JAKMIP1: variants seen among roughly 807,000 people sequenced by gnomAD.
JAKMIP1 encodes the protein janus kinase and microtubule interacting protein 1, also known as janus kinase and microtubule-interacting protein 1.
JAKMIP1 carries 33 observed loss-of-function variants against 113.0 expected under a neutral mutation model. That is an observed-to-expected ratio of 0.29 (90% CI 0.22 to 0.39). The LOEUF (loss-of-function observed/expected upper bound fraction) is 0.39, where lower values mean the gene tolerates loss of function less well. Among genes scored for constraint, JAKMIP1 ranks in the 10% least tolerant of loss-of-function variants. JAKMIP1 has a pLI of 1.00. For synonymous variants in JAKMIP1, 480 were observed against 459.9 expected, an observed-to-expected ratio of 1.04 and a Z score of -0.56; for missense variants, 813 against 1,080.5, an observed-to-expected ratio of 0.75 and a Z score of 3.47.
intron 1 of JAKMIP1, among the ~76,000 whole-genome samples, chr4:6,152,361 G>A (rs771102687): frequency 6.6e-6 from 1 of 152,116 alleles, no homozygotes; most frequent in Non-Finnish European, 1.5e-5. Context: ...CATTACCTAA[G>A]CCTGTAGCCC....
rs781019554 is a variant in JAKMIP1, at chr4:6,035,987, G to A, written c.2296C>T (p.Arg766Cys). 9 of 1,551,496 alleles carry A rather than the reference G, an allele frequency of 5.8e-6. No individual in the cohort carries two copies. The African/African-American group carries it at 8.2e-5, about 14-fold the overall frequency. Residue 766 changes from arginine to cysteine, a missense_variant, in exon 19 of 21, where the codon CGC becomes TGC. Arg to Cys is a radical substitution (Grantham distance 180). Around this residue, in one of 2 missense-constraint regions of JAKMIP1, gnomAD observed 273 missense variants for 426.6 expected, o/e 0.64. Coordinates refer to ENST00000409021, the MANE Select transcript of JAKMIP1 (RefSeq NM_001099433.2). ...CGGCTCTGCCTGAGGATCTGCCTGC[G>A]CACCTTTTCCACAGCAGCCTGCAGG... ...EDLQAAVEKV[R>C]RQILRQSREF...
chr4:6,045,161 A>C (rs1714823500), intron 16 of JAKMIP1, among the ~76,000 whole-genome samples: 1 of 152,246 alleles, frequency 6.6e-6, no homozygotes, highest in Non-Finnish European at 1.5e-5. Context: ...AGAAAGTCAG[A>C]CTATGGCTCA....
At chr4:6,041,465 C>T (rs1199351858) in intron 17 of JAKMIP1, among the ~76,000 whole-genome samples, 1 of 152,138 alleles carries the variant, frequency 6.6e-6, no homozygotes, top group Non-Finnish European at 1.5e-5. Context: ...CCTCCCATTT[C>T]CATTTCTCCT....
At chr4:6,070,162 T>C in intron 8 of JAKMIP1, 1 of 398,708 alleles carries the variant, frequency 2.5e-6, no homozygotes, top group Non-Finnish European at 4.4e-6. Flanking sequence ...ACATATTCCA[T>C]GGTGGCGTGA....
Position 6,050,586 on chromosome 4 carries a change from C to T in JAKMIP1, c.1900G>A (p.Gly634Arg). The T allele has an allele frequency of 1.3e-6, 2 of 1,568,994 alleles. No individual in the cohort carries two copies. Among genetic ancestry groups the T allele is most frequent in the Non-Finnish European group, 1.7e-6 (2 of 1,156,540 alleles). Reference sequence around the variant, plus strand: ...CCCCCCAGGCACGCTACCTTAACTCCTTCCTGGTGACAGAACAGCTGGAGA... The same window carrying T: ...CCCCCCAGGCACGCTACCTTAACTCTTTCCTGGTGACAGAACAGCTGGAGA... ...SALQLFCHQE[G>R]VKDVNVSELM... Residue 634 changes from glycine (G) to arginine (R), a missense_variant, in exon 14 of 21, where the codon GGA becomes AGA. By Grantham distance (125) the Gly-to-Arg change is moderately radical. Around this residue, in one of 2 missense-constraint regions of JAKMIP1, gnomAD observed 273 missense variants for 426.6 expected, o/e 0.64. Transcript: ENST00000409021. This position sits in a 1 kb window ranked among gnomAD's most constrained non-coding sequence, Gnocchi z 7.4.
rs1277069063 is a variant in JAKMIP1, at chr4:6,064,004, G to A, written c.1431+876C>T. On this transcript the variant is annotated intron_variant, in intron 9 of 20. Transcript: ENST00000409021. This position sits in a 1 kb window ranked among gnomAD's most constrained non-coding sequence, Gnocchi z 4.3. ...CACTGCCCTGAGGGCCAGCTGCCCC[G>A]GCATATCCGCACCCCCTTCCCACTC... 2.6e-5 allele frequency among the ~76,000 whole-genome samples: 4 copies of A among 152,328 alleles called. No homozygotes were observed. Among genetic ancestry groups the A allele is most frequent in the East Asian group, 1.9e-4 (1 of 5,170 alleles).
In JAKMIP1 at chr4:6,081,881, C is replaced by T. The variant is rs1178311100; in HGVS notation, c.955-126G>A. 4.8e-6 allele frequency: 5 copies of T among 1,045,152 alleles called. No homozygotes were observed. Among genetic ancestry groups the T allele is most frequent in the Non-Finnish European group, 5.5e-6 (4 of 721,692 alleles). 64.7% of individuals were successfully genotyped at this position (1,045,152 alleles called of 1,614,324 possible). ...TCTGAGGCCAGTGTCCTGGATGACA[C>T]ATTTGTTTGCTAGTTGCATGACAAT... On this transcript the variant is annotated intron_variant, in intron 5 of 20. Coordinates refer to ENST00000409021, the MANE Select transcript of JAKMIP1 (RefSeq NM_001099433.2). The surrounding 1 kb of genome is among the most constrained non-coding windows in gnomAD (Gnocchi z 4.6).
chr4:6,108,707 A>AC lies in JAKMIP1; in HGVS notation c.130-2741dup, dbSNP rs1306613546. On this transcript the variant is annotated intron_variant, in intron 2 of 20. Coordinates refer to ENST00000409021, the MANE Select transcript of JAKMIP1 (RefSeq NM_001099433.2). The surrounding 1 kb of genome is among the most constrained non-coding windows in gnomAD (Gnocchi z 5.6). ...ATGGGTACCAGTTCACTACTCTGAA[A>AC]CCATCATACATGTATAGTGTTGAAC... Among the ~76,000 whole-genome samples the AC allele has an allele frequency of 6.6e-6, 1 of 152,194 alleles. No individual in the cohort carries two copies. Among genetic ancestry groups the AC allele is most frequent in the Admixed American group, 6.5e-5 (1 of 15,280 alleles).
At chr4:6,092,166 C>T (rs1722142615) in intron 3 of JAKMIP1, among the ~76,000 whole-genome samples, 1 of 152,190 alleles carries the variant, frequency 6.6e-6, no homozygotes, top group South Asian at 2.1e-4. Flanking sequence ...TGTCCCGCCC[C>T]CTCCCTCCCA....
rs75917838 is a variant in JAKMIP1, at chr4:6,065,830, C to A, written c.1303-822G>T. Among the ~76,000 whole-genome samples, 4,212 of 152,218 alleles carry A rather than the reference C, an allele frequency of 0.028. 75 individuals carry two copies. Among genetic ancestry groups the A allele is most frequent in the Non-Finnish European group, 0.044 (2,989 of 68,010 alleles). On this transcript the variant is annotated intron_variant, in intron 8 of 20. Transcript: ENST00000409021. This position sits in a 1 kb window ranked among gnomAD's most constrained non-coding sequence, Gnocchi z 5.1. Reference sequence around the variant, plus strand: ...AATTCATTCACTCAGAAAACACTGGCAAAGCTCCTTCTATGGGCCAGACAC... The same window carrying A: ...AATTCATTCACTCAGAAAACACTGGAAAAGCTCCTTCTATGGGCCAGACAC...
intron 11 of JAKMIP1, 151 bp from the exon 12 acceptor site, chr4:6,056,910 C>T (rs145605060): frequency 5.3e-4 from 309 of 582,436 alleles, no homozygotes; most frequent in African/African-American, 5.1e-3. Flanking sequence ...TGTCCCTGTC[C>T]ACTTTTAAAC....
chr4:6,085,312 G>A, intron 4 of JAKMIP1, 108 bp downstream of exon 4: 2 of 915,330 alleles, frequency 2.2e-6, no homozygotes, highest in Non-Finnish European at 3.3e-6. Flanking sequence ...GTGAATGAAT[G>A]AATGAGTGAA....
In JAKMIP1 at chr4:6,142,022, C is replaced by A. The variant is rs1478261851; in HGVS notation, c.-147-29025G>T. On this transcript the variant is annotated intron_variant, in intron 1 of 20. Coordinates refer to ENST00000409021, the MANE Select transcript of JAKMIP1 (RefSeq NM_001099433.2). The surrounding 1 kb of genome is among the most constrained non-coding windows in gnomAD (Gnocchi z 5.5). ...ATCCCCCACCCCCACCCACTGTGAA[C>A]ACTCTACTGACTTCCTTCTGGGCTG... 3.0e-5 allele frequency among the ~76,000 whole-genome samples: 4 copies of A among 131,826 alleles called. No individual in the cohort carries two copies. Among genetic ancestry groups the A allele is most frequent in the African/African-American group, 8.7e-5 (3 of 34,568 alleles). The allele number at this position is 131,826 out of a possible 152,430, so 86.5% of individuals were successfully genotyped here. A position where few individuals can be genotyped will look rare whatever the true frequency, so the allele number is the denominator to read the frequency against.
intron 18 of JAKMIP1, among the ~76,000 whole-genome samples, chr4:6,036,814 CCTTA>C (rs1299931159): frequency 3.9e-5 from 6 of 152,242 alleles, no homozygotes; most frequent in Non-Finnish European, 7.3e-5. Context: ...CACCCACATT[CCTTA>C]CTAAGGAGCA....
In JAKMIP1 at chr4:6,181,184, C is replaced by A. The variant is rs1251267643; in HGVS notation, c.-148+19069G>T. 6.6e-6 allele frequency among the ~76,000 whole-genome samples: 1 copy of A among 152,204 alleles called. No homozygotes were observed. Among genetic ancestry groups the A allele is most frequent in the African/African-American group, 2.4e-5 (1 of 41,432 alleles). On this transcript the variant is annotated intron_variant, in intron 1 of 20. Coordinates refer to ENST00000409021, the MANE Select transcript of JAKMIP1 (RefSeq NM_001099433.2). The surrounding 1 kb of genome is among the most constrained non-coding windows in gnomAD (Gnocchi z 5.4). ...GAACAGGGCGCTCCTTGACAGACACCTACCAAACACCTCCTGTGTGCACAA... is the reference window on the plus strand; with the variant it reads ...GAACAGGGCGCTCCTTGACAGACACATACCAAACACCTCCTGTGTGCACAA...
chr4:6,131,173 A>AAAAAAAAAAAAAAAAAAAAAAAAG (rs71173409), intron 1 of JAKMIP1, among the ~76,000 whole-genome samples: 2 of 95,472 alleles, frequency 2.1e-5, no homozygotes, highest in East Asian at 3.6e-4. Context: ...AAAAAAAAAA[A>AAAAAAAAAAAAAAAAAAAAAAAAG]AATATCCCAG....
intron 16 of JAKMIP1, among the ~76,000 whole-genome samples, chr4:6,048,331 A>G (rs974487270): frequency 1.3e-5 from 2 of 152,238 alleles, no homozygotes; most frequent in Non-Finnish European, 2.9e-5. Context: ...TCTAAAATAT[A>G]TCTTATGGGC....
rs578000010 is a variant in JAKMIP1, at chr4:6,197,405, C to G, written c.-148+2848G>C. Among the ~76,000 whole-genome samples the G allele has an allele frequency of 6.6e-6, 1 of 152,252 alleles. No individual in the cohort carries two copies. Among genetic ancestry groups the G allele is most frequent in the South Asian group, 2.1e-4 (1 of 4,824 alleles). ...ATAAATATTCTCATAGCTTCTTCAC[C>G]ATCATCACCCCTCATAAATCGGCTA... On this transcript the variant is annotated intron_variant, in intron 1 of 20. Transcript: ENST00000409021. This position sits in a 1 kb window ranked among gnomAD's most constrained non-coding sequence, Gnocchi z 6.5.
rs1477599401 is a variant in JAKMIP1 at position 6,140,417 on chromosome 4, C to T, written c.-147-27420G>A. 6.6e-6 allele frequency among the ~76,000 whole-genome samples: 1 copy of T among 152,082 alleles called. No individual in the cohort carries two copies. The highest frequency in any genetic ancestry group is 1.5e-5 in the Non-Finnish European group (1 of 68,032). On this transcript the variant is annotated intron_variant, in intron 1 of 20. Transcript: ENST00000409021. The surrounding 1 kb of genome is among the most constrained non-coding windows in gnomAD (Gnocchi z 9.4). The stretch of plus-strand genomic sequence containing the variant: ...TGTCCCTGTTCCCCCAAAAGGCCCA[C>T]CACAGACCCACCCCAGGAGTGTGTG...
Sources: gnomAD v4.1 joint callset for allele counts (sites outside exome capture counted in the v4.1 genomes callset) on GRCh38, gnomAD v4.1.1 for gene constraint, gnomAD v4.1.1 regional missense constraint, Gnocchi (gnomAD v3.1) non-coding constraint, MANE v1.5 for transcripts, NCBI Gene and HGNC (gene_info 2026-07-23, HGNC 2026-07-21) for gene names.